The following ZEB1 variants were observed in gnomAD, a reference collection of about 807,000 sequenced individuals.
ZEB1 encodes zinc finger E-box-binding homeobox 1.
ZEB1 carries 21 observed loss-of-function variants against 84.9 expected under a neutral mutation model. That is an observed-to-expected ratio of 0.25 (90% CI 0.18 to 0.36). ZEB1 has a LOEUF of 0.36. Ranked by LOEUF, ZEB1 falls within the 10% of genes least tolerant of loss-of-function variation. The pLI is 1.00. For missense variants in ZEB1, 1,104 were observed against 1,330.2 expected (o/e 0.83, Z 2.65); for synonymous variants, 420 against 471.1 (o/e 0.89, Z 1.41).
chr10:31,359,627 A>G (rs2042667632), intron 1 of ZEB1, among the ~76,000 whole-genome samples: 1 of 152,122 alleles, frequency 6.6e-6, no homozygotes, highest in Non-Finnish European at 1.5e-5. Context: ...TTACTAACTG[A>G]TGTTATTAAC....
intron 1 of ZEB1, among the ~76,000 whole-genome samples, chr10:31,323,179 G>A (rs776998827): frequency 6.6e-6 from 1 of 152,088 alleles, no homozygotes; most frequent in East Asian, 1.9e-4. Flanking sequence ...TTTGTTTTAT[G>A]TTCTTAGGTT....
rs1312443585 is a variant in ZEB1 at position 31,461,193 on chromosome 10, G to A, written c.215G>A (p.Ser72Asn). ...PTDQTVLPGR[S>N]SEREGNAKNC... Reference sequence around the variant, plus strand: ...GACCAGACAGTGTTACCAGGGAGGAGCAGTGAAAGAGAAGGGAATGCTAAG... The same window carrying A: ...GACCAGACAGTGTTACCAGGGAGGAACAGTGAAAGAGAAGGGAATGCTAAG... The change falls in exon 2 of 9, where the codon AGC becomes AAC. Residue 72 changes from serine (S) to asparagine (N), a missense_variant. By Grantham distance (46) the Ser-to-Asn change is conservative. Transcript: ENST00000424869. 1 of 1,613,266 alleles carries A rather than the reference G, an allele frequency of 6.2e-7. No homozygotes were observed. Among genetic ancestry groups the A allele is most frequent in the East Asian group, 2.2e-5 (1 of 44,836 alleles).
intron 1 of ZEB1, among the ~76,000 whole-genome samples, chr10:31,379,205 CTAAT>C (rs1456078707): frequency 6.6e-6 from 1 of 151,952 alleles, no homozygotes; most frequent in Admixed American, 6.6e-5. Flanking sequence ...GTAATATGCT[CTAAT>C]AAAATCAGAA....
intron 1 of ZEB1, among the ~76,000 whole-genome samples, chr10:31,375,928 TC>T (rs952264395): frequency 2.0e-5 from 3 of 151,496 alleles, no homozygotes; most frequent in Non-Finnish European, 4.4e-5. Context: ...AAGAAGGAGT[TC>T]CTGCTGATAT....
intron 1 of ZEB1, among the ~76,000 whole-genome samples, chr10:31,337,143 T>G (rs1013012671): frequency 1.3e-5 from 2 of 152,198 alleles, no homozygotes; most frequent in Non-Finnish European, 2.9e-5. Context: ...GCTTAACAAC[T>G]TGGATCATCC....
rs114365975 is a variant in ZEB1, at chr10:31,415,023, C to G, written c.59-46014C>G. ...CAGGAATCATAGATTTCATTCAATT[C>G]AAATTATCAGTTGTACATTGTTGCT... On this transcript the variant is annotated intron_variant, in intron 1 of 8. Transcript: ENST00000424869. Among the ~76,000 whole-genome samples the G allele has an allele frequency of 1.8e-3, 281 of 152,228 alleles. 1 individual carries two copies. Among genetic ancestry groups the G allele is most frequent in the African/African-American group, 6.6e-3 (273 of 41,556 alleles).
intron 1 of ZEB1, among the ~76,000 whole-genome samples, chr10:31,348,785 T>C (rs2040795728): frequency 6.6e-6 from 1 of 152,162 alleles, no homozygotes; most frequent in Non-Finnish European, 1.5e-5. Context: ...TTACACAAAA[T>C]ACAAAATATT....
chr10:31,402,283 G>T (rs1056472001), intron 1 of ZEB1, among the ~76,000 whole-genome samples: 6 of 152,030 alleles, frequency 3.9e-5, no homozygotes, highest in African/African-American at 1.4e-4. Context: ...AGTACTATTT[G>T]CCTTCTGATT....
chr10:31,409,120 A>G (rs2053723079), intron 1 of ZEB1, among the ~76,000 whole-genome samples: 3 of 152,264 alleles, frequency 2.0e-5, no homozygotes, highest in Admixed American at 1.3e-4. Flanking sequence ...GAAGACATTT[A>G]TGCAGCCAAC....
At chr10:31,418,399 A>G (rs1203465311) in intron 1 of ZEB1, among the ~76,000 whole-genome samples, 1 of 152,088 alleles carries the variant, frequency 6.6e-6, no homozygotes, top group African/African-American at 2.4e-5. Context: ...GGGGGGATAT[A>G]GGCACAGTCT....
intron 5 of ZEB1, among the ~76,000 whole-genome samples, chr10:31,514,396 A>G (rs202039569): frequency 6.6e-6 from 1 of 152,122 alleles, no homozygotes; most frequent in African/African-American, 2.4e-5. Context: ...CTTTTTGGTA[A>G]TAATTTCAGG....
At chr10:31,324,448 T>A (rs940875804) in intron 1 of ZEB1, among the ~76,000 whole-genome samples, 3 of 152,072 alleles carry the variant, frequency 2.0e-5, no homozygotes, top group Non-Finnish European at 2.9e-5. Flanking sequence ...TAGAGCCAGA[T>A]GTAAACACAG....
At chr10:31,524,151 T>C in intron 8 of ZEB1, 38 bp downstream of exon 8, 1 of 1,589,616 alleles carries the variant, frequency 6.3e-7, no homozygotes, top group Non-Finnish European at 8.6e-7. Context: ...GTCCATGATA[T>C]GATATACTGG....
intron 1 of ZEB1, 33 bp downstream of exon 1, chr10:31,319,325 G>C: frequency 1.3e-6 from 2 of 1,595,672 alleles, no homozygotes; most frequent in South Asian, 2.3e-5. Context: ...GAGCGGCGGA[G>C]TCAGGGGGAG....
intron 1 of ZEB1, among the ~76,000 whole-genome samples, chr10:31,326,706 A>G (rs1399206196): frequency 6.6e-6 from 1 of 152,222 alleles, no homozygotes; most frequent in African/African-American, 2.4e-5. Flanking sequence ...ACAAGCAAGA[A>G]CTAGATACCA....
chr10:31,443,515 A>G (rs1591324762), intron 1 of ZEB1, among the ~76,000 whole-genome samples: 1 of 143,048 alleles, frequency 7.0e-6, no homozygotes, highest in African/African-American at 2.6e-5. Flanking sequence ...GCACCCACTA[A>G]CTCGTCATCT....
At chr10:31,396,638 G>A (rs1379801352) in intron 1 of ZEB1, among the ~76,000 whole-genome samples, 2 of 152,142 alleles carry the variant, frequency 1.3e-5, no homozygotes, top group Non-Finnish European at 2.9e-5. Context: ...GCTTCATTAA[G>A]GAAGTTTTGA....
chr10:31,490,930 T>C, intron 2 of ZEB1, among the ~76,000 whole-genome samples: 1 of 151,780 alleles, frequency 6.6e-6, no homozygotes, highest in East Asian at 1.9e-4. Context: ...CCACAACTGG[T>C]TCACTTTTCA....
In ZEB1 at chr10:31,521,939, A is replaced by G. The variant is rs1425540654; in HGVS notation, c.2604+3A>G. On this transcript the variant is annotated splice_donor_region_variant and intron_variant, in intron 7 of 8. Coordinates refer to ENST00000424869, the MANE Select transcript of ZEB1 (RefSeq NM_001174096.2). ...TGATCCAGCCAAATGGAAATCAGGTAAAAAATAACCTCCATCCTGAACCTG... is the reference window on the plus strand; with the variant it reads ...TGATCCAGCCAAATGGAAATCAGGTGAAAAATAACCTCCATCCTGAACCTG... 2 of 1,614,022 alleles carry G rather than the reference A, an allele frequency of 1.2e-6. No homozygotes were observed. Among genetic ancestry groups the G allele is most frequent in the Non-Finnish European group, 1.7e-6 (2 of 1,179,946 alleles).
Sources: allele counts gnomAD v4.1 joint callset (sites outside exome capture counted in the v4.1 genomes callset), GRCh38; gene constraint gnomAD v4.1.1; transcripts MANE v1.5; gene names NCBI Gene and HGNC (gene_info 2026-07-23, HGNC 2026-07-21).